Variants in PTPRN2 observed in about 807,000 individuals in gnomAD.
PTPRN2 encodes receptor-type tyrosine-protein phosphatase N2.
Under a neutral mutation model 118.8 loss-of-function variants are expected in PTPRN2, and 74 were observed. The observed-to-expected ratio is 0.62, with a 90% CI of 0.52 to 0.76. The LOEUF is 0.76. Among genes scored for constraint, PTPRN2 ranks in the 30% least tolerant of loss-of-function variants. The probability of loss-of-function intolerance (pLI) is 0.00; values close to 1 mark genes in which losing one functional copy is unlikely to be tolerated. For missense variants in PTPRN2, 1,481 were observed against 1,394.4 expected (o/e 1.06, Z -0.99); for synonymous variants, 641 against 608.0 (o/e 1.05, Z -0.80).
chr7:157,595,499 T>TTTAGGAAGCCCGGAGG (rs1801255195), intron 16 of PTPRN2, among the ~76,000 whole-genome samples, 184 bp from the exon 17 acceptor site: 1 of 65,010 alleles, frequency 1.5e-5, no homozygotes, highest in South Asian at 4.3e-4. Flanking sequence ...AAGCCTGGTG[T>TTTAGGAAGCCCGGAGG]TTAGGAAGCC....
intron 2 of PTPRN2, among the ~76,000 whole-genome samples, chr7:158,346,566 G>A (rs1358043803): frequency 6.6e-6 from 1 of 152,198 alleles, no homozygotes; most frequent in East Asian, 1.9e-4. Context: ...TGTGGACAGT[G>A]CTGCAGTAAA....
intron 2 of PTPRN2, among the ~76,000 whole-genome samples, chr7:158,387,934 C>T (rs1300497444): frequency 6.6e-6 from 1 of 152,184 alleles, no homozygotes; most frequent in Non-Finnish European, 1.5e-5. Flanking sequence ...GAAATACTGT[C>T]TCTGTCTGTA....
intron 12 of PTPRN2, among the ~76,000 whole-genome samples, chr7:157,820,096 C>T (rs1806721091): frequency 6.6e-6 from 1 of 151,008 alleles, no homozygotes; most frequent in African/African-American, 2.4e-5. Context: ...ACACACACAA[C>T]ACATCCACAC....
intron 11 of PTPRN2, among the ~76,000 whole-genome samples, chr7:157,995,325 A>G (rs1804643346): frequency 6.7e-6 from 1 of 149,098 alleles, no homozygotes; most frequent in Admixed American, 6.6e-5. Flanking sequence ...TCCTAAATCA[A>G]TGCCACGTCC....
chr7:158,098,794 C>T (rs112215908), intron 10 of PTPRN2, among the ~76,000 whole-genome samples: 1 of 151,836 alleles, frequency 6.6e-6, no homozygotes, highest in Non-Finnish European at 1.5e-5. Context: ...GCGTGACCAC[C>T]GAGGAGCTGG....
intron 2 of PTPRN2, among the ~76,000 whole-genome samples, chr7:158,341,756 T>C: frequency 7.1e-6 from 1 of 140,324 alleles, no homozygotes; most frequent in African/African-American, 2.8e-5. Flanking sequence ...ACCGACACTC[T>C]CACCATAAGA....
chr7:157,545,875 C>T (rs1177368784), intron 22 of PTPRN2, among the ~76,000 whole-genome samples: 1 of 152,130 alleles, frequency 6.6e-6, no homozygotes, highest in Non-Finnish European at 1.5e-5. Context: ...GAGCTGCAGG[C>T]GCCTCCTCTT....
intron 19 of PTPRN2, among the ~76,000 whole-genome samples, chr7:157,573,002 G>A (rs1799837454): frequency 6.6e-6 from 1 of 152,232 alleles, no homozygotes; most frequent in African/African-American, 2.4e-5. Flanking sequence ...GTATGCCAGA[G>A]TGCCTTGAAC....
chr7:158,458,848 C>T (rs568700871), intron 2 of PTPRN2, among the ~76,000 whole-genome samples: 4 of 152,190 alleles, frequency 2.6e-5, no homozygotes, highest in African/African-American at 7.2e-5. Context: ...GCACACTAAC[C>T]GTGGACACAC....
At position 158,273,070 on chromosome 7, in the gene PTPRN2, T is replaced by G. The variant is rs561631282; in HGVS notation, c.277+43749A>C. On this transcript the variant is annotated intron_variant, in intron 3 of 22. Coordinates refer to ENST00000389418, the MANE Select transcript of PTPRN2 (RefSeq NM_002847.5). ...AAGAGCTCTGTGCTGTAGCTGCAAC[T>G]CCAGCCACAAGGAAGACAAGACCCA... 2.7e-3 allele frequency among the ~76,000 whole-genome samples: 406 copies of G among 152,184 alleles called. 1 individual carries two copies. The highest frequency in any genetic ancestry group is 9.0e-3 in the African/African-American group (374 of 41,514).
In PTPRN2 at chr7:157,929,736, C is replaced by T. The variant is rs1799250944; in HGVS notation, c.1724-30999G>A. Among the ~76,000 whole-genome samples, 1 of 152,172 alleles carries T rather than the reference C, an allele frequency of 6.6e-6. No individual in the cohort carries two copies. The highest frequency in any genetic ancestry group is 1.5e-5 in the Non-Finnish European group (1 of 68,026). ...GCGGCATCCTCACAGGGGTGAGGAG[C>T]TCTGTGCTGCTGTTGAGATGAATGG... On this transcript the variant is annotated intron_variant, in intron 11 of 22. Coordinates refer to ENST00000389418, the MANE Select transcript of PTPRN2 (RefSeq NM_002847.5). The surrounding 1 kb of genome is among the most constrained non-coding windows in gnomAD (Gnocchi z 4.4).
At chr7:157,684,011 T>A (rs1797040984) in intron 12 of PTPRN2, among the ~76,000 whole-genome samples, 1 of 152,136 alleles carries the variant, frequency 6.6e-6, no homozygotes, top group Non-Finnish European at 1.5e-5. Context: ...ATCTCTCTTC[T>A]ATTAGTAATT....
In PTPRN2 at chr7:157,618,628, G is replaced by T. The variant is rs1033292253; in HGVS notation, c.2344+2734C>A. The T allele has an allele frequency of 6.6e-6, 1 of 152,200 alleles. No homozygotes were observed. Among genetic ancestry groups the T allele is most frequent in the African/African-American group, 2.4e-5 (1 of 41,444 alleles). 9.4% of individuals were successfully genotyped at this position (152,200 alleles called of 1,614,324 possible). ...TGGAGGAGGCGGCCATCTCTCTGGG[G>T]CCTGGCAACAGCGAGAGCTTTTGCC... is the stretch of plus-strand genomic sequence containing the variant. On this transcript the variant is annotated intron_variant, in intron 15 of 22. Transcript: ENST00000389418. The surrounding 1 kb of genome is among the most constrained non-coding windows in gnomAD (Gnocchi z 4.2).
intron 9 of PTPRN2, among the ~76,000 whole-genome samples, chr7:158,123,150 G>A (rs1213721108): frequency 6.6e-6 from 1 of 152,168 alleles, no homozygotes; most frequent in Non-Finnish European, 1.5e-5. Flanking sequence ...GATAAACGAG[G>A]TTTCTTGGGA....
chr7:158,395,613 G>A (rs1812363167), intron 2 of PTPRN2, among the ~76,000 whole-genome samples: 1 of 107,988 alleles, frequency 9.3e-6, no homozygotes. Flanking sequence ...GGTGAGGCGC[G>A]AGGGGCCAGG....
intron 11 of PTPRN2, among the ~76,000 whole-genome samples, chr7:158,040,977 C>T (rs189488946): frequency 9.9e-5 from 15 of 152,274 alleles, no homozygotes; most frequent in East Asian, 5.8e-4. Flanking sequence ...GTGATCTGCC[C>T]GCCTCGGCCT....
intron 8 of PTPRN2, 39 bp downstream of exon 8, chr7:158,136,616 A>G (rs1405754752): frequency 6.3e-7 from 1 of 1,597,364 alleles, no homozygotes; most frequent in Non-Finnish European, 8.6e-7. Flanking sequence ...ACCAACTTCC[A>G]CATTTAACAT....
chr7:157,965,775 A>G (rs1275998556), intron 11 of PTPRN2, among the ~76,000 whole-genome samples: 2 of 152,220 alleles, frequency 1.3e-5, no homozygotes, highest in African/African-American at 4.8e-5. Context: ...ATAGCATTTC[A>G]GAGTCTTATT....
At chr7:158,578,464 G>A (rs1239680803) in intron 1 of PTPRN2, among the ~76,000 whole-genome samples, 1 of 148,070 alleles carries the variant, frequency 6.8e-6, no homozygotes, top group East Asian at 2.0e-4. Context: ...GAGCCCAGGA[G>A]TTCAGGGCTG....
Sources: allele counts gnomAD v4.1 joint callset (sites outside exome capture counted in the v4.1 genomes callset), GRCh38; gene constraint gnomAD v4.1.1; non-coding constraint Gnocchi (gnomAD v3.1); transcripts MANE v1.5; gene names NCBI Gene and HGNC (gene_info 2026-07-23, HGNC 2026-07-21).